FAT1: variants seen among roughly 807,000 people sequenced by gnomAD.
FAT1 encodes the protein FAT atypical cadherin 1.
Under a neutral mutation model 329.8 loss-of-function variants are expected in FAT1, and 171 were observed. That is an observed-to-expected ratio of 0.52 (90% confidence interval 0.46 to 0.59). The LOEUF is 0.59. FAT1 is among the 20% of genes least tolerant of loss of function. The pLI is 0.00. For synonymous variants in FAT1, 2,233 were observed against 2,228.6 expected (o/e 1.00, Z -0.06); for missense variants, 5,672 against 5,774.4 (o/e 0.98, Z 0.57).
chr4:186,659,565 T>C lies in FAT1; in HGVS notation c.3580+3734A>G, dbSNP rs939894020. On this transcript the variant is annotated intron_variant, in intron 3 of 26. Transcript: ENST00000441802. ...CGCAAGAGGAAGCGGCTGTGGCACC[T>C]GTCCCCTGAACGACGCTGGGCGCTC... 2.6e-5 allele frequency among the ~76,000 whole-genome samples: 4 copies of C among 152,086 alleles called. No individual in the cohort carries two copies. The South Asian group carries it at 8.3e-4, about 32-fold the overall frequency.
Position 186,706,760 on chromosome 4 carries a change from A to G in FAT1, c.3068T>C (p.Val1023Ala). Residue 1023 changes from valine (V) to alanine (A), a missense_variant, in exon 2 of 27, where the codon GTT becomes GCT. Physicochemically the swap from Val to Ala is moderately conservative, Grantham distance 64. Transcript: ENST00000441802. Reference sequence around the variant, plus strand: ...TGGGTGCAGGTTCTCATTCACATCAACCACCTCAACTTCAACATAGCAAGT... The same window carrying G: ...TGGGTGCAGGTTCTCATTCACATCAGCCACCTCAACTTCAACATAGCAAGT... The part of the protein sequence containing the change: ...SSTCYVEVEV[V>A]DVNENLHPPV... 1.2e-6 allele frequency: 2 copies of G among 1,613,900 alleles called. No individual in the cohort carries two copies. The highest frequency in any genetic ancestry group is 1.7e-6 in the Non-Finnish European group (2 of 1,179,894).
rs1738033198 is a variant in FAT1, at chr4:186,587,924, A to T, written c.*668T>A. On this transcript the variant is annotated 3_prime_UTR_variant, in exon 27 of 27. Coordinates refer to ENST00000441802, the MANE Select transcript of FAT1 (RefSeq NM_005245.4). ...ACTGTGTCATGGTGGTTTTGGTTCT[A>T]AACAGGTATGCAGAAGGTCCCCGTT... is the stretch of plus-strand genomic sequence containing the variant. The T allele has an allele frequency of 4.6e-6, 1 of 218,552 alleles. No homozygotes were observed. Among genetic ancestry groups the T allele is most frequent in the African/African-American group, 2.2e-5 (1 of 44,464 alleles). 13.5% of individuals were successfully genotyped at this position (218,552 alleles called of 1,614,324 possible).
intron 3 of FAT1, among the ~76,000 whole-genome samples, chr4:186,646,004 C>CACACACACACACACACACACAT (rs1491403367): frequency 2.2e-5 from 3 of 134,984 alleles, no homozygotes; most frequent in African/African-American, 8.4e-5. Flanking sequence ...CACACACACA[C>CACACACACACACACACACACAT]ATGAAAGATG....
In FAT1 at chr4:186,707,167, C is replaced by T. The variant is rs2126686205; in HGVS notation, c.2661G>A (p.Leu887=). 2 of 1,613,946 alleles carry T rather than the reference C, an allele frequency of 1.2e-6. No homozygotes were observed. Among genetic ancestry groups the T allele is most frequent in the Non-Finnish European group, 1.7e-6 (2 of 1,179,886 alleles). The change falls in exon 2 of 27, where the codon CTG becomes CTA. Residue 887 remains leucine, a synonymous_variant. Transcript: ENST00000441802. The stretch of plus-strand genomic sequence containing the variant: ...CAATCTTTAAGGAGTGCTCATGCTG[C>T]AGCTCTCGATCCAGAGGGCGTGCGA... ...VNIARPLDRE[L]QHEHSLKIEA...
At chr4:186,600,647 G>A (rs934000690) in intron 21 of FAT1, among the ~76,000 whole-genome samples, 1 of 152,322 alleles carries the variant, frequency 6.6e-6, no homozygotes, top group Admixed American at 6.5e-5. Context: ...ACTGAATAAT[G>A]TTTTTAAAAA....
rs1480488647 is a variant in FAT1 at position 186,587,894 on chromosome 4, T to C, written c.*698A>G. The C allele has an allele frequency of 9.2e-6, 2 of 216,832 alleles. No homozygotes were observed. Among genetic ancestry groups the C allele is most frequent in the Non-Finnish European group, 9.3e-6 (1 of 107,704 alleles). The allele number at this position is 216,832 out of a possible 1,614,324, so 13.4% of individuals were successfully genotyped here. The stretch of plus-strand genomic sequence containing the variant: ...TTGCATCACAAATATACAGACACTA[T>C]AAAAACTGTGTCATGGTGGTTTTGG... On this transcript the variant is annotated 3_prime_UTR_variant, in exon 27 of 27. Transcript: ENST00000441802.
chr4:186,610,885 G>A (rs897332493), intron 14 of FAT1, among the ~76,000 whole-genome samples: 2 of 151,362 alleles, frequency 1.3e-5, no homozygotes, highest in Admixed American at 6.6e-5. Flanking sequence ...GCTTGTTGGC[G>A]GTCTTTCCCT....
At position 186,611,641 on chromosome 4, in the gene FAT1, T is replaced by C. The variant is rs758834083; in HGVS notation, c.9598A>G (p.Lys3200Glu). The change falls in exon 14 of 27, where the codon AAA (lysine) becomes GAA (glutamate). Residue 3200 changes from lysine (K) to glutamate (E), a missense_variant. Coordinates refer to ENST00000441802, the MANE Select transcript of FAT1 (RefSeq NM_005245.4). Reference protein sequence around the residue: ...ELQAVYTLSLKAVDQGLPRRL... With the variant: ...ELQAVYTLSLEAVDQGLPRRL... ...CTTGGCAAGCCTTGATCCACAGCTT[T>C]CAAAGAGAGGGTGTATACTGCCTGG... The C allele has an allele frequency of 6.2e-7, 1 of 1,613,378 alleles. No homozygotes were observed. Among genetic ancestry groups the C allele is most frequent in the South Asian group, 1.1e-5 (1 of 90,912 alleles).
intron 2 of FAT1, among the ~76,000 whole-genome samples, chr4:186,688,611 A>C: frequency 6.6e-6 from 1 of 151,442 alleles, no homozygotes; most frequent in African/African-American, 2.4e-5. Flanking sequence ...AATTCCATTT[A>C]CCTGTCACAA....
intron 2 of FAT1, 99 bp from the exon 3 acceptor site, chr4:186,663,712 G>T: frequency 1.1e-6 from 1 of 894,260 alleles, no homozygotes; most frequent in Non-Finnish European, 1.7e-6. Context: ...AGCTTTATAT[G>T]TCTCTTACTA....
At chr4:186,636,451 T>C in intron 5 of FAT1, 134 bp downstream of exon 5, 6 of 994,496 alleles carry the variant, frequency 6.0e-6, no homozygotes, top group Non-Finnish European at 9.0e-6. Flanking sequence ...TATCCGGCAT[T>C]GCCTAATGGG....
chr4:186,602,198 T>G (rs901749670), intron 20 of FAT1, among the ~76,000 whole-genome samples: 1 of 152,192 alleles, frequency 6.6e-6, no homozygotes, highest in Non-Finnish European at 1.5e-5. Context: ...ATCGAAAATG[T>G]TCAATGATGT....
rs181100501 is a variant in FAT1 at position 186,719,991 on chromosome 4, A to G, written c.-19+3673T>C. ...TTAGCCTGCTAAGTATATGATTCTT[A>G]ACCTTGCATTAAAGACCTTTGATAA... On this transcript the variant is annotated intron_variant, in intron 1 of 26. Transcript: ENST00000441802. Among the ~76,000 whole-genome samples the G allele has an allele frequency of 6.8e-4, 104 of 152,320 alleles. No homozygotes were observed. In the East Asian group the frequency reaches 0.018, roughly 26 times the overall value.
rs73017537 is a variant in FAT1 at position 186,719,658 on chromosome 4, G to T, written c.-19+4006C>A. 9.3e-3 allele frequency among the ~76,000 whole-genome samples: 1,412 copies of T among 152,264 alleles called. 28 individuals carry two copies. The highest frequency in any genetic ancestry group is 0.032 in the African/African-American group (1,339 of 41,540). On this transcript the variant is annotated intron_variant, in intron 1 of 26. Coordinates refer to ENST00000441802, the MANE Select transcript of FAT1 (RefSeq NM_005245.4). ...CACTAATCAACTGTGTGAATTCAAG[G>T]AACTTGCTTAATCCTTTCGACTCTA...
rs561788984 is a variant in FAT1, at chr4:186,598,076, T to C, written c.12153A>G (p.Ile4051Met). The C allele has an allele frequency of 6.6e-5, 106 of 1,613,848 alleles. 1 individual carries two copies. In the South Asian group the frequency reaches 1.0e-3, roughly 16 times the overall value. Residue 4051 changes from isoleucine to methionine, a missense_variant, in exon 23 of 27, where the codon ATA becomes ATG. By Grantham distance (10) the Ile-to-Met change is conservative. Transcript: ENST00000441802. ...SALYIGTHCE[I>M]SVNPCSSKPC... ...GCTTGGAGGAACACGGATTGACGCT[T>C]ATCTCACAGTGGGTCCCTATGTACA...
rs777328292 is a variant in FAT1 at position 186,613,172 on chromosome 4, C to T, written c.9400G>A (p.Val3134Met). ...GTTCCCGGCTCTGTGTTTTCAAACA[C>T]GGTGATGGCATAAGGATCGGCAGAG... ...EFSADPYAIT[V>M]FENTEPGTLL... is the part of the protein sequence containing the mutation. The change falls in exon 13 of 27, where the codon GTG becomes ATG. Residue 3134 changes from valine to methionine, a missense_variant. Transcript: ENST00000441802. 5.6e-6 allele frequency: 9 copies of T among 1,613,646 alleles called. No individual in the cohort carries two copies. The highest frequency in any genetic ancestry group is 2.2e-5 in the East Asian group (1 of 44,876).
chr4:186,720,695 G>T (rs796625474), intron 1 of FAT1, among the ~76,000 whole-genome samples: 3 of 152,298 alleles, frequency 2.0e-5, no homozygotes, highest in African/African-American at 4.8e-5. Context: ...ACTACGAGCT[G>T]CTTGAGGGCA....
chr4:186,602,713 T>C (rs755332795), intron 20 of FAT1, among the ~76,000 whole-genome samples, 190 bp downstream of exon 20: 2 of 152,196 alleles, frequency 1.3e-5, no homozygotes, highest in African/African-American at 2.4e-5. Context: ...ACACCAACTA[T>C]GAACCAAGGG....
rs1378002022 is a variant in FAT1 at position 186,617,125 on chromosome 4, G to C, written c.8955C>G (p.Asp2985Glu). Residue 2985 changes from aspartate to glutamate, a missense_variant, in exon 11 of 27, where the codon GAC becomes GAG. Transcript: ENST00000441802. ...EWKVYVKKPL[D>E]REKRDNYLLT... The stretch of plus-strand genomic sequence containing the variant: ...GAAGGTAATTGTCCCTTTTTTCCCT[G>C]TCTAGAGGTTTCTTCACATATACCT... 6.2e-7 allele frequency: 1 copy of C among 1,613,702 alleles called. No homozygotes were observed. The highest frequency in any genetic ancestry group is 8.5e-7 in the Non-Finnish European group (1 of 1,179,768).
Sources: allele counts gnomAD v4.1 joint callset (sites outside exome capture counted in the v4.1 genomes callset), GRCh38; gene constraint gnomAD v4.1.1; transcripts MANE v1.5; gene names NCBI Gene and HGNC (gene_info 2026-07-23, HGNC 2026-07-21).